The following PLCB4 variants were observed in gnomAD, a reference collection of about 807,000 sequenced individuals.
PLCB4 encodes 1-phosphatidylinositol 4,5-bisphosphate phosphodiesterase beta-4.
PLCB4 carries 77 observed loss-of-function variants against 178.8 expected under a neutral mutation model. The observed-to-expected ratio is 0.43, with a 90% CI of 0.36 to 0.52. The LOEUF (loss-of-function observed/expected upper bound fraction) is 0.52, where lower values mean the gene tolerates loss of function less well. PLCB4 is among the 20% of genes least tolerant of loss of function. The pLI, the probability that PLCB4 is intolerant of heterozygous loss-of-function variation, is 0.00. For synonymous variants in PLCB4, 496 were observed against 490.8 expected (o/e 1.01, Z -0.14); for missense variants, 1,024 against 1,453.4 (o/e 0.70, Z 4.80).
intron 2 of PLCB4, among the ~76,000 whole-genome samples, chr20:9,109,809 CAG>C (rs1253951321): frequency 1.3e-5 from 2 of 152,064 alleles, no homozygotes; most frequent in African/African-American, 4.8e-5. Flanking sequence ...TTAATTAACT[CAG>C]GGAGTTTTCA....
intron 3 of PLCB4, among the ~76,000 whole-genome samples, chr20:9,265,131 G>C (rs558742095): frequency 1.1e-4 from 17 of 152,270 alleles, no homozygotes; most frequent in Non-Finnish European, 2.1e-4. Context: ...ACCAAAATCT[G>C]TTCAGTGTTG....
At position 9,109,483 on chromosome 20, in the gene PLCB4, G is replaced by A. The variant is rs146067845; in HGVS notation, c.-79+13141G>A. Among the ~76,000 whole-genome samples the A allele has an allele frequency of 5.4e-5, 8 of 147,846 alleles. No homozygotes were observed. In the South Asian group the frequency reaches 6.4e-4, roughly 12 times the overall value. On this transcript the variant is annotated intron_variant, in intron 2 of 39. Coordinates refer to ENST00000378473, the MANE Select transcript of PLCB4 (RefSeq NM_001377142.1). ...TAAAATGATTGCTTTTTTTTTTTTCGTAATGGCCTAAAATGATAGCTTCTT... is the reference window on the plus strand; with the variant it reads ...TAAAATGATTGCTTTTTTTTTTTTCATAATGGCCTAAAATGATAGCTTCTT...
intron 33 of PLCB4, among the ~76,000 whole-genome samples, chr20:9,454,593 T>G (rs1162934894): frequency 6.6e-6 from 1 of 152,216 alleles, no homozygotes; most frequent in African/African-American, 2.4e-5. Flanking sequence ...ATTTTTTGTT[T>G]TAACAGTCAC....
intron 2 of PLCB4, among the ~76,000 whole-genome samples, chr20:9,136,396 G>T (rs1385492903): frequency 6.6e-6 from 1 of 152,030 alleles, no homozygotes; most frequent in Non-Finnish European, 1.5e-5. Flanking sequence ...TCTGTGCTGG[G>T]GCCCTTTTGG....
chr20:9,114,630 G>A (rs1051360911), intron 2 of PLCB4, among the ~76,000 whole-genome samples: 1 of 152,116 alleles, frequency 6.6e-6, no homozygotes, highest in Admixed American at 6.6e-5. Flanking sequence ...GATTAATCAG[G>A]GGAGGAAGAC....
chr20:9,327,351 G>C (rs1405684510), intron 4 of PLCB4, among the ~76,000 whole-genome samples: 1 of 152,076 alleles, frequency 6.6e-6, no homozygotes, highest in African/African-American at 2.4e-5. Context: ...TGAGGCTGAG[G>C]CAGGAGGATT....
intron 25 of PLCB4, among the ~76,000 whole-genome samples, chr20:9,412,601 AG>A (rs1482993571): frequency 6.6e-6 from 1 of 152,176 alleles, no homozygotes; most frequent in Non-Finnish European, 1.5e-5. Flanking sequence ...CTTCCCTCTC[AG>A]TCACTGTAGA....
At chr20:9,309,828 A>C (rs975774105) in intron 4 of PLCB4, among the ~76,000 whole-genome samples, 3 of 152,164 alleles carry the variant, frequency 2.0e-5, no homozygotes, top group Non-Finnish European at 2.9e-5. Flanking sequence ...TTTGATTATT[A>C]ATCATCACAG....
intron 2 of PLCB4, among the ~76,000 whole-genome samples, chr20:9,167,840 CA>C (rs1431104115): frequency 1.3e-5 from 2 of 152,224 alleles, no homozygotes; most frequent in Non-Finnish European, 2.9e-5. Flanking sequence ...AGTTATGAAA[CA>C]AACGGTGAAA....
intron 3 of PLCB4, among the ~76,000 whole-genome samples, chr20:9,272,002 A>G (rs926511422): frequency 6.6e-6 from 1 of 151,400 alleles, no homozygotes; most frequent in Non-Finnish European, 1.5e-5. Context: ...ACACAGCAAG[A>G]TCCTATGTCT....
intron 2 of PLCB4, among the ~76,000 whole-genome samples, chr20:9,183,441 A>G (rs905199911): frequency 1.3e-5 from 2 of 152,192 alleles, no homozygotes; most frequent in African/African-American, 2.4e-5. Flanking sequence ...CTGTGATACC[A>G]CAGAGGACGT....
chr20:9,198,294 A>C (rs2093498470), intron 2 of PLCB4, among the ~76,000 whole-genome samples: 1 of 152,240 alleles, frequency 6.6e-6, no homozygotes, highest in Non-Finnish European at 1.5e-5. Context: ...CAAATACAGT[A>C]GAAGAACACT....
At position 9,337,170 on chromosome 20, in the gene PLCB4, G is replaced by A. The variant is rs761844184; in HGVS notation, c.129G>A (p.Glu43=). 3 of 1,613,378 alleles carry A rather than the reference G, an allele frequency of 1.9e-6. No homozygotes were observed. Among genetic ancestry groups the A allele is most frequent in the East Asian group, 2.2e-5 (1 of 44,852 alleles). ...CCAACTGCCTCTTCAAAGTGGATGA[G>A]TTTGGCTTCTTTCTGACATGGAGAA... ...FEPNCLFKVD[E]FGFFLTWRSE... Residue 43 remains glutamate, a synonymous_variant, in exon 5 of 40, where the codon GAG becomes GAA. Transcript: ENST00000378473.
At chr20:9,198,225 A>G (rs952129467) in intron 2 of PLCB4, among the ~76,000 whole-genome samples, 4 of 152,168 alleles carry the variant, frequency 2.6e-5, no homozygotes, top group Admixed American at 6.5e-5. Context: ...TATTATCTAG[A>G]AAGCAATGTT....
chr20:9,340,343 G>A (rs1047150070), intron 7 of PLCB4, among the ~76,000 whole-genome samples: 6 of 152,074 alleles, frequency 3.9e-5, no homozygotes, highest in Non-Finnish European at 8.8e-5. Context: ...CCCCTCCTGG[G>A]AGCTTGTTAC....
At chr20:9,397,294 A>G (rs1263790154) in intron 19 of PLCB4, among the ~76,000 whole-genome samples, 1 of 152,272 alleles carries the variant, frequency 6.6e-6, no homozygotes, top group South Asian at 2.1e-4. Flanking sequence ...ATTCAGCCCC[A>G]TGTTCAGGCT....
chr20:9,216,304 GCCTCCCAGGTTCA>G (rs1381711012), intron 2 of PLCB4, among the ~76,000 whole-genome samples: 2 of 151,820 alleles, frequency 1.3e-5, no homozygotes, highest in Non-Finnish European at 2.9e-5. Flanking sequence ...TGCAAGCTTC[GCCTCCCAGGTTCA>G]CGCCATTTTC....
chr20:9,463,087 G>A (rs2043510745), intron 35 of PLCB4, among the ~76,000 whole-genome samples: 1 of 152,166 alleles, frequency 6.6e-6, no homozygotes. Flanking sequence ...AACCCTACAA[G>A]CCAGAAGAAA....
intron 3 of PLCB4, among the ~76,000 whole-genome samples, chr20:9,262,006 A>G (rs1206417801): frequency 6.6e-6 from 1 of 152,178 alleles, no homozygotes; most frequent in African/African-American, 2.4e-5. Context: ...ATAAACCAGC[A>G]TTATCAAGGT....
Sources: gnomAD v4.1 joint callset for allele counts (sites outside exome capture counted in the v4.1 genomes callset) on GRCh38, gnomAD v4.1.1 for gene constraint, MANE v1.5 for transcripts, NCBI Gene and HGNC (gene_info 2026-07-23, HGNC 2026-07-21) for gene names.